Variants in ZFHX3 observed in about 807,000 individuals in gnomAD.
ZFHX3 encodes zinc finger homeobox protein 3.
A neutral mutation model predicts 279.1 loss-of-function variants in ZFHX3; 42 were observed. The observed-to-expected ratio is 0.15, with a 90% confidence interval of 0.12 to 0.19. The LOEUF is 0.19. ZFHX3 is among the 10% of genes least tolerant of loss of function. ZFHX3 has a pLI of 1.00. For missense variants in ZFHX3, 4,981 were observed against 4,754.0 expected (o/e 1.05, Z -1.40); for synonymous variants, 2,293 against 1,957.8 (o/e 1.17, Z -4.52).
intron 2 of ZFHX3, among the ~76,000 whole-genome samples, chr16:73,508,956 T>C (rs1597363295): frequency 6.6e-6 from 1 of 152,308 alleles, no homozygotes; most frequent in East Asian, 1.9e-4. Flanking sequence ...ATATTAATAC[T>C]TAAGGCAACT....
At chr16:73,623,144 C>A (rs2052381733) in intron 2 of ZFHX3, among the ~76,000 whole-genome samples, 2 of 151,966 alleles carry the variant, frequency 1.3e-5, no homozygotes, top group African/African-American at 4.8e-5. Flanking sequence ...TCACACCATT[C>A]TCCTGCCTCA....
intron 3 of ZFHX3, among the ~76,000 whole-genome samples, chr16:73,435,545 C>G (rs139134419): frequency 6.6e-6 from 1 of 152,224 alleles, no homozygotes; most frequent in Non-Finnish European, 1.5e-5. Context: ...TTCTGTACTC[C>G]GTAGCAACTT....
intron 4 of ZFHX3, among the ~76,000 whole-genome samples, chr16:72,846,718 T>G (rs1310671866): frequency 1.3e-5 from 2 of 152,176 alleles, no homozygotes; most frequent in Non-Finnish European, 2.9e-5. Context: ...CTCCTGTCTT[T>G]CCCTAAACAT....
At chr16:73,701,261 T>C (rs2053243847) in intron 1 of ZFHX3, among the ~76,000 whole-genome samples, 1 of 152,264 alleles carries the variant, frequency 6.6e-6, no homozygotes. Flanking sequence ...ATTGTTATTA[T>C]AAGACAGTAT....
At chr16:73,243,888 C>T (rs764302723) in intron 5 of ZFHX3, among the ~76,000 whole-genome samples, 53 of 152,232 alleles carry the variant, frequency 3.5e-4, no homozygotes, top group Non-Finnish European at 6.6e-4. Flanking sequence ...TTCTAAGAAG[C>T]TGGAGAAGCT....
At chr16:73,800,825 AG>A (rs1299712678) in intron 1 of ZFHX3, among the ~76,000 whole-genome samples, 1 of 152,194 alleles carries the variant, frequency 6.6e-6, no homozygotes, top group African/African-American at 2.4e-5. Flanking sequence ...AAAGAAAAAC[AG>A]CACCCATCCT....
intron 1 of ZFHX3, among the ~76,000 whole-genome samples, chr16:72,997,105 G>A (rs1373915510): frequency 6.6e-6 from 1 of 152,138 alleles, no homozygotes; most frequent in African/African-American, 2.4e-5. Context: ...ATCACAAACA[G>A]AAATCTAACT....
chr16:73,720,482 A>G (rs2053463975), intron 1 of ZFHX3, among the ~76,000 whole-genome samples: 1 of 152,214 alleles, frequency 6.6e-6, no homozygotes, highest in African/African-American at 2.4e-5. Context: ...ATATGATAAA[A>G]TGTCATGTAG....
chr16:73,072,909 T>A (rs1042808637), intron 8 of ZFHX3, among the ~76,000 whole-genome samples: 2 of 152,180 alleles, frequency 1.3e-5, no homozygotes, highest in East Asian at 3.9e-4. Flanking sequence ...TATTTTTTTT[T>A]TTATTTGAGA....
chr16:72,890,934 G>A (rs1483034310), intron 3 of ZFHX3, among the ~76,000 whole-genome samples: 1 of 152,230 alleles, frequency 6.6e-6, no homozygotes, highest in East Asian at 1.9e-4. Context: ...AATTATGACA[G>A]GAAAAGTTAA....
chr16:73,570,509 A>G (rs1486416889), intron 2 of ZFHX3, among the ~76,000 whole-genome samples: 4 of 152,228 alleles, frequency 2.6e-5, no homozygotes, highest in Non-Finnish European at 5.9e-5. Context: ...AATGGCATTA[A>G]TAAATCCTAA....
intron 6 of ZFHX3, among the ~76,000 whole-genome samples, chr16:73,136,389 T>G (rs75414748): frequency 1.3e-5 from 2 of 152,034 alleles, no homozygotes; most frequent in East Asian, 1.9e-4. Flanking sequence ...TTCTAAACTA[T>G]CTATTAGGTT....
At chr16:73,445,617 C>T (rs1229379811) in intron 3 of ZFHX3, among the ~76,000 whole-genome samples, 1 of 152,094 alleles carries the variant, frequency 6.6e-6, no homozygotes, top group Non-Finnish European at 1.5e-5. Flanking sequence ...TAGTGTGCCC[C>T]AGCATAGGGG....
At chr16:73,526,846 G>A (rs773521546) in intron 2 of ZFHX3, among the ~76,000 whole-genome samples, 13 of 151,776 alleles carry the variant, frequency 8.6e-5, no homozygotes, top group Admixed American at 2.0e-4. Context: ...ATGACCATTC[G>A]AAGCAAAAGG....
chr16:73,554,432 C>T (rs2020244814), intron 2 of ZFHX3: 2 of 152,088 alleles, frequency 1.3e-5, no homozygotes, highest in Non-Finnish European at 1.5e-5. Flanking sequence ...ATAAACCAGA[C>T]GTATATGAAT....
intron 1 of ZFHX3, among the ~76,000 whole-genome samples, chr16:73,789,546 A>C (rs543159932): frequency 4.7e-4 from 71 of 152,204 alleles, no homozygotes; most frequent in African/African-American, 1.7e-3. Flanking sequence ...TTCAAAACAC[A>C]CTGATGTCTG....
At chr16:73,388,507 A>C (rs922210436) in intron 3 of ZFHX3, among the ~76,000 whole-genome samples, 4 of 152,148 alleles carry the variant, frequency 2.6e-5, no homozygotes, top group Admixed American at 1.3e-4. Context: ...CTTTTGAAAT[A>C]TCCTGTTTAA....
intron 3 of ZFHX3, among the ~76,000 whole-genome samples, chr16:72,890,697 T>C (rs2038752467): frequency 6.6e-6 from 1 of 152,252 alleles, no homozygotes; most frequent in African/African-American, 2.4e-5. Context: ...TTTCCCCTTT[T>C]ATTCTCTAAA....
chr16:73,248,573 G>A (rs932697950), intron 5 of ZFHX3, among the ~76,000 whole-genome samples: 1 of 151,552 alleles, frequency 6.6e-6, no homozygotes, highest in Non-Finnish European at 1.5e-5. Context: ...AAATGTGTCT[G>A]TGTGTATATG....
Sources: gnomAD v4.1 joint callset for allele counts (sites outside exome capture counted in the v4.1 genomes callset) on GRCh38, gnomAD v4.1.1 for gene constraint, MANE v1.5 for transcripts, NCBI Gene and HGNC (gene_info 2026-07-23, HGNC 2026-07-21) for gene names.